LTV1: variants seen among roughly 807,000 people sequenced by gnomAD.
LTV1 encodes protein LTV1 homolog.
Under a neutral mutation model 59.9 loss-of-function variants are expected in LTV1, and 39 were observed. The ratio of observed to expected loss-of-function variants is 0.65; its 90% CI spans 0.50 to 0.85. The LOEUF is 0.85. Ranked by LOEUF, LTV1 falls within the 40% of genes least tolerant of loss-of-function variation. The pLI is 0.00. For missense variants in LTV1, 493 were observed against 549.1 expected, an observed-to-expected ratio of 0.90 and a Z score of 1.02; for synonymous variants, 171 against 189.5, an observed-to-expected ratio of 0.90 and a Z score of 0.80.
Position 143,855,158 on chromosome 6 carries a change from A to G in LTV1, c.398-2145A>G, listed in dbSNP as rs568649270. Among the ~76,000 whole-genome samples, 104 of 152,238 alleles carry G rather than the reference A, an allele frequency of 6.8e-4. 1 individual carries two copies. The highest frequency in any genetic ancestry group is 2.3e-3 in the African/African-American group (95 of 41,544). On this transcript the variant is annotated intron_variant, in intron 4 of 10. Transcript: ENST00000367576. The surrounding 1 kb of genome is among the most constrained non-coding windows in gnomAD (Gnocchi z 4.6). ...TATTAGGTGCATATATATTTAGGGTAGTTAGCTCTTCTTGTTGCATTGTTC... is the reference window on the plus strand; with the variant it reads ...TATTAGGTGCATATATATTTAGGGTGGTTAGCTCTTCTTGTTGCATTGTTC...
chr6:143,843,506 G>A (rs779974070), intron 1 of LTV1, 26 bp downstream of exon 1: 3 of 1,613,258 alleles, frequency 1.9e-6, no homozygotes, highest in Non-Finnish European at 2.5e-6. Context: ...TTGTTTCGGC[G>A]GCCGAGCGCT....
rs1777186365 is a variant in LTV1, at chr6:143,862,672, AAG to A, written c.1064-169_1064-168del. ...GGAAATTTGTGAAAAATTATTTGGAAAGAGTAATATTCCAATACTGAGTTGTA... is the reference window on the plus strand; with the variant it reads ...GGAAATTTGTGAAAAATTATTTGGAAAGTAATATTCCAATACTGAGTTGTA... On this transcript the variant is annotated intron_variant, in intron 8 of 10. Transcript: ENST00000367576. This position sits in a 1 kb window ranked among gnomAD's most constrained non-coding sequence, Gnocchi z 4.2. Among the ~76,000 whole-genome samples, 1 of 152,236 alleles carries A rather than the reference AAG, an allele frequency of 6.6e-6. No homozygotes were observed. The highest frequency in any genetic ancestry group is 2.4e-5 in the African/African-American group (1 of 41,468).
In LTV1 at chr6:143,863,568, C is replaced by T; in HGVS notation, c.*41C>T. On this transcript the variant is annotated 3_prime_UTR_variant, in exon 11 of 11. Transcript: ENST00000367576. This position sits in a 1 kb window ranked among gnomAD's most constrained non-coding sequence, Gnocchi z 4.5. ...GGGCAAGGCACTTTATTAGGGGCTCCTCATCTTTGGTTATTGACTAGAAAC... is the reference window on the plus strand; with the variant it reads ...GGGCAAGGCACTTTATTAGGGGCTCTTCATCTTTGGTTATTGACTAGAAAC... 1 of 1,331,374 alleles carries T rather than the reference C, an allele frequency of 7.5e-7. No homozygotes were observed. Among genetic ancestry groups the T allele is most frequent in the Non-Finnish European group, 1.0e-6 (1 of 959,872 alleles). 82.5% of individuals were successfully genotyped at this position (1,331,374 alleles called of 1,614,324 possible). A position where few individuals can be genotyped will look rare whatever the true frequency, so the allele number is the denominator to read the frequency against.
At chr6:143,858,376 G>C (rs1465370179) in intron 6 of LTV1, 1 of 198,640 alleles carries the variant, frequency 5.0e-6, no homozygotes, top group African/African-American at 2.3e-5. Context: ...ACTGTGGTAG[G>C]ACAACTCACT....
Position 143,860,558 on chromosome 6 carries a change from A to G in LTV1, c.923+5A>G. ...CTATAAAGAGAAGGCAGAGAAGTAT[A>G]GTGACTTTTCCTTCCTTGTTTAGCT... On this transcript the variant is annotated splice_donor_5th_base_variant and intron_variant, in intron 7 of 10. Transcript: ENST00000367576. The G allele has an allele frequency of 1.2e-6, 2 of 1,600,628 alleles. No individual in the cohort carries two copies. Among genetic ancestry groups the G allele is most frequent in the South Asian group, 1.2e-5 (1 of 86,956 alleles).
chr6:143,857,901 T>G lies in LTV1; in HGVS notation c.689T>G (p.Leu230Trp). Residue 230 changes from leucine to tryptophan, a missense_variant, in exon 6 of 11, where the codon TTG becomes TGG. By Grantham distance (61) the Leu-to-Trp change is moderately conservative. Transcript: ENST00000367576. The surrounding 1 kb of genome is among the most constrained non-coding windows in gnomAD (Gnocchi z 5.2). ...GKTHRAIADH[L>W]FWSEETKSRF... ...ACTCACAGAGCTATAGCAGATCACTTGTTCTGGAGTGAGGAAACAAAGAGT... is the reference window on the plus strand; with the variant it reads ...ACTCACAGAGCTATAGCAGATCACTGGTTCTGGAGTGAGGAAACAAAGAGT... 6.2e-7 allele frequency: 1 copy of G among 1,614,092 alleles called. No individual in the cohort carries two copies. Among genetic ancestry groups the G allele is most frequent in the Non-Finnish European group, 8.5e-7 (1 of 1,180,022 alleles).
rs1227114986 is a variant in LTV1 at position 143,843,350 on chromosome 6, C to G, written c.-128C>G. On this transcript the variant is annotated 5_prime_UTR_variant, in exon 1 of 11. Transcript: ENST00000367576. ...CACGGCCGGCTGGGTGACGTTATCG[C>G]CGGGTCCTGGGGCTGCACGTGTGGT... is the stretch of plus-strand genomic sequence containing the variant. 11 of 1,177,746 alleles carry G rather than the reference C, an allele frequency of 9.3e-6. No individual in the cohort carries two copies. Among genetic ancestry groups the G allele is most frequent in the Non-Finnish European group, 1.0e-5 (8 of 796,308 alleles). 73.0% of individuals were successfully genotyped at this position (1,177,746 alleles called of 1,614,324 possible).
rs774082147 is a variant in LTV1, at chr6:143,863,392, A to G, written c.1318-25A>G. The G allele has an allele frequency of 6.9e-6, 11 of 1,598,408 alleles. No individual in the cohort carries two copies. In the Admixed American group the frequency reaches 8.4e-5, roughly 12 times the overall value. On this transcript the variant is annotated intron_variant, in intron 10 of 10. Coordinates refer to ENST00000367576, the MANE Select transcript of LTV1 (RefSeq NM_032860.5). This position sits in a 1 kb window ranked among gnomAD's most constrained non-coding sequence, Gnocchi z 4.5. The stretch of plus-strand genomic sequence containing the variant: ...ATCAGTTTAAAGATGTGAATAATAC[A>G]AGTATATTCTTGTACTTATAACAGG...
intron 1 of LTV1, 21 bp downstream of exon 1, chr6:143,843,501 T>A (rs1345661842): frequency 6.2e-7 from 1 of 1,613,298 alleles, no homozygotes; most frequent in Non-Finnish European, 8.5e-7. Context: ...CTTGCTTGTT[T>A]CGGCGGCCGA....
intron 3 of LTV1, among the ~76,000 whole-genome samples, chr6:143,848,820 G>A (rs1357537454): frequency 6.6e-6 from 1 of 152,212 alleles, no homozygotes; most frequent in African/African-American, 2.4e-5. Flanking sequence ...GCCACCAAGT[G>A]GTGGGTACTG....
intron 4 of LTV1, among the ~76,000 whole-genome samples, chr6:143,850,455 TG>T (rs1377337649): frequency 6.6e-6 from 1 of 152,226 alleles, no homozygotes; most frequent in Admixed American, 6.5e-5. Context: ...AAACTATTCT[TG>T]GTAATCTAGT....
Position 143,844,504 on chromosome 6 carries a change from C to T in LTV1, c.22C>T (p.Pro8Ser), listed in dbSNP as rs758441324. 6.2e-7 allele frequency: 1 copy of T among 1,613,456 alleles called. No homozygotes were observed. Among genetic ancestry groups the T allele is most frequent in the African/African-American group, 1.3e-5 (1 of 74,834 alleles). The change falls in exon 2 of 11, where the codon CCC becomes TCC. Residue 8 changes from proline to serine, a missense_variant. By Grantham distance (74) the Pro-to-Ser change is moderately conservative. Transcript: ENST00000367576. ...TTTGAAGCCTCACAGGAAGAAAAAG[C>T]CCTTTATAGAGAAGAAGAAAGCTGT... MPHRKKK[P>S]FIEKKKAVSF... is the part of the protein sequence containing the mutation.
intron 6 of LTV1, 156 bp downstream of exon 6, chr6:143,858,163 A>G: frequency 1.4e-6 from 1 of 694,176 alleles, no homozygotes; most frequent in Non-Finnish European, 2.5e-6. Context: ...TGTAGCCAGC[A>G]TAAAGCAGAA....
At chr6:143,844,679 T>C (rs1469072225) in intron 2 of LTV1, 62 bp downstream of exon 2, 3 of 1,533,870 alleles carry the variant, frequency 2.0e-6, no homozygotes, top group East Asian at 4.6e-5. Context: ...TTTCTTTTTT[T>C]TTTTTTAAAT....
rs1485386217 is a variant in LTV1 at position 143,862,721 on chromosome 6, CA to C, written c.1064-122del. The C allele has an allele frequency of 4.5e-6, 3 of 662,082 alleles. No homozygotes were observed. In the African/African-American group the frequency reaches 5.4e-5, roughly 12 times the overall value. 41.0% of individuals were successfully genotyped at this position (662,082 alleles called of 1,614,324 possible). A position where few individuals can be genotyped will look rare whatever the true frequency, so the allele number is the denominator to read the frequency against. On this transcript the variant is annotated intron_variant, in intron 8 of 10. Coordinates refer to ENST00000367576, the MANE Select transcript of LTV1 (RefSeq NM_032860.5). The surrounding 1 kb of genome is among the most constrained non-coding windows in gnomAD (Gnocchi z 4.2). ...TGTAAGCAATTTATAAAACATTGATCAGAGACTCCAGTGTTATTTTGCACTA... is the reference window on the plus strand; with the variant it reads ...TGTAAGCAATTTATAAAACATTGATCGAGACTCCAGTGTTATTTTGCACTA...
At chr6:143,847,368 T>C (rs1273889794) in intron 3 of LTV1, among the ~76,000 whole-genome samples, 2 of 152,184 alleles carry the variant, frequency 1.3e-5, no homozygotes, top group African/African-American at 2.4e-5. Flanking sequence ...GTTGTTGTTG[T>C]TATTGTTGTT....
At position 143,862,198 on chromosome 6, in the gene LTV1, G is replaced by C; in HGVS notation, c.1018G>C (p.Val340Leu). The change falls in exon 8 of 11, where the codon GTC becomes CTC. Residue 340 changes from valine (V) to leucine (L), a missense_variant. By Grantham distance (32) the Val-to-Leu change is conservative. Transcript: ENST00000367576. This position sits in a 1 kb window ranked among gnomAD's most constrained non-coding sequence, Gnocchi z 4.2. ...TGAGGAGGAAGAAATGATTACTGTA[G>C]TCCTTGAAGAAGCCAAAGAGAAGTG... Reference protein sequence around the residue: ...ESEEEEMITVVLEEAKEKWDC... With the variant: ...ESEEEEMITVLLEEAKEKWDC... The C allele has an allele frequency of 6.2e-7, 1 of 1,613,776 alleles. No individual in the cohort carries two copies. Among genetic ancestry groups the C allele is most frequent in the East Asian group, 2.2e-5 (1 of 44,876 alleles).
In LTV1 at chr6:143,863,559, T is replaced by C; in HGVS notation, c.*32T>C. The C allele has an allele frequency of 3.6e-6, 5 of 1,398,532 alleles. No homozygotes were observed. The highest frequency in any genetic ancestry group is 4.9e-6 in the Non-Finnish European group (5 of 1,010,914). The allele number at this position is 1,398,532 out of a possible 1,614,324, so 86.6% of individuals were successfully genotyped here. On this transcript the variant is annotated 3_prime_UTR_variant, in exon 11 of 11. Coordinates refer to ENST00000367576, the MANE Select transcript of LTV1 (RefSeq NM_032860.5). The surrounding 1 kb of genome is among the most constrained non-coding windows in gnomAD (Gnocchi z 4.5). ...GAGCATACAGGGCAAGGCACTTTAT[T>C]AGGGGCTCCTCATCTTTGGTTATTG...
In LTV1 at chr6:143,850,174, T is replaced by G. The variant is rs1776959464; in HGVS notation, c.353T>G (p.Phe118Cys). 1 of 1,613,828 alleles carries G rather than the reference T, an allele frequency of 6.2e-7. No individual in the cohort carries two copies. Among genetic ancestry groups the G allele is most frequent in the South Asian group, 1.1e-5 (1 of 91,036 alleles). The change falls in exon 4 of 11, where the codon TTT (phenylalanine) becomes TGT (cysteine). Residue 118 changes from phenylalanine to cysteine, a missense_variant. By Grantham distance (205) the Phe-to-Cys change is radical. Transcript: ENST00000367576. Reference protein sequence around the residue: ...KLPSSVFASEFEEDVGLLNKA... With the variant: ...KLPSSVFASECEEDVGLLNKA... ...CCTTCATCAGTGTTTGCTTCAGAGT[T>G]TGAGGAAGATGTTGGATTGTTAAAT... is the stretch of plus-strand genomic sequence containing the variant.
Sources: allele counts gnomAD v4.1 joint callset (sites outside exome capture counted in the v4.1 genomes callset), GRCh38; gene constraint gnomAD v4.1.1; non-coding constraint Gnocchi (gnomAD v3.1); transcripts MANE v1.5; gene names NCBI Gene and HGNC (gene_info 2026-07-23, HGNC 2026-07-21).